Variants in STAT1 observed in about 807,000 individuals in gnomAD.
STAT1 encodes the protein signal transducer and activator of transcription 1-alpha/beta.
A neutral mutation model predicts 111.7 loss-of-function variants in STAT1; 24 were observed. The observed-to-expected ratio is 0.21, with a 90% CI of 0.16 to 0.30. STAT1 has a LOEUF of 0.30. Among genes scored for constraint, STAT1 ranks in the 10% least tolerant of loss-of-function variants. The probability of loss-of-function intolerance (pLI) is 1.00; values close to 1 mark genes in which losing one functional copy is unlikely to be tolerated. For synonymous variants in STAT1, 332 were observed against 326.5 expected (o/e 1.02, Z -0.18); for missense variants, 351 against 911.9 (o/e 0.38, Z 7.92).
intron 24 of STAT1, among the ~76,000 whole-genome samples, chr2:190,972,816 G>T (rs1237069373): frequency 7.3e-6 from 1 of 136,354 alleles, no homozygotes; most frequent in Non-Finnish European, 1.6e-5. Flanking sequence ...GTGTATAGAG[G>T]GTGTGTGTGT....
chr2:190,976,230 T>G lies in STAT1; in HGVS notation c.2060-343A>C, dbSNP rs1301885575. Among the ~76,000 whole-genome samples the G allele has an allele frequency of 6.6e-6, 1 of 152,246 alleles. No individual in the cohort carries two copies. Among genetic ancestry groups the G allele is most frequent in the Non-Finnish European group, 1.5e-5 (1 of 68,032 alleles). On this transcript the variant is annotated intron_variant, in intron 22 of 24. Coordinates refer to ENST00000361099, the MANE Select transcript of STAT1 (RefSeq NM_007315.4). The surrounding 1 kb of genome is among the most constrained non-coding windows in gnomAD (Gnocchi z 6.0). ...TGGCATTAGCCTGGCTAATGAATAT[T>G]CACAGCTGTCAAGGTAAGCTGGGGA...
At position 190,986,730 on chromosome 2, in the gene STAT1, C is replaced by G. The variant is rs2125033948; in HGVS notation, c.1221+124G>C. 1 of 933,424 alleles carries G rather than the reference C, an allele frequency of 1.1e-6. No individual in the cohort carries two copies. Among genetic ancestry groups the G allele is most frequent in the East Asian group, 2.4e-5 (1 of 41,748 alleles). 57.8% of individuals were successfully genotyped at this position (933,424 alleles called of 1,614,324 possible). ...GTACTGGCGACAGGAAGACACCAGC[C>G]ACAAAGTCTACAAACCCCAGCAGGG... On this transcript the variant is annotated intron_variant, in intron 14 of 24. Transcript: ENST00000361099. The surrounding 1 kb of genome is among the most constrained non-coding windows in gnomAD (Gnocchi z 5.0).
At position 190,998,265 on chromosome 2, in the gene STAT1, T is replaced by C. The variant is rs1328658333; in HGVS notation, c.585A>G (p.Glu195=). ...AATACATCTTCTTGAGTAACAGCTGTTCTTGTTTCTGATCACTCTTTGCCA... is the reference window on the plus strand; with the variant it reads ...AATACATCTTCTTGAGTAACAGCTGCTCTTGTTTCTGATCACTCTTTGCCA... ...NGVAKSDQKQ[E]QLLLKKMYLM... The change falls in exon 8 of 25, where the codon GAA becomes GAG. Residue 195 remains glutamate (E), a synonymous_variant. Transcript: ENST00000361099. This position sits in a 1 kb window ranked among gnomAD's most constrained non-coding sequence, Gnocchi z 4.1. The C allele has an allele frequency of 6.2e-7, 1 of 1,613,888 alleles. No individual in the cohort carries two copies.
At chr2:191,010,878 CA>C (rs1271696581) in intron 2 of STAT1, among the ~76,000 whole-genome samples, 1 of 152,118 alleles carries the variant, frequency 6.6e-6, no homozygotes, top group Non-Finnish European at 1.5e-5. Flanking sequence ...AAAATCACAA[CA>C]AAAACTTGAT....
Position 190,974,394 on chromosome 2 carries a change from A to C in STAT1, c.2238+436T>G, listed in dbSNP as rs926764548. Among the ~76,000 whole-genome samples, 13 of 152,206 alleles carry C rather than the reference A, an allele frequency of 8.5e-5. No homozygotes were observed. Among genetic ancestry groups the C allele is most frequent in the Non-Finnish European group, 1.8e-4 (12 of 68,048 alleles). ...AGATGAAGTAATCTCATTGCTGCTA[A>C]AGTATAATTCTCTCTAATTACTGTA... On this transcript the variant is annotated intron_variant, in intron 24 of 24. Coordinates refer to ENST00000361099, the MANE Select transcript of STAT1 (RefSeq NM_007315.4). This position sits in a 1 kb window ranked among gnomAD's most constrained non-coding sequence, Gnocchi z 4.8.
chr2:190,976,736 T>TAG lies in STAT1; in HGVS notation c.2059+103_2059+104insCT. 1.0e-6 allele frequency: 1 copy of TAG among 1,002,788 alleles called. No individual in the cohort carries two copies. Among genetic ancestry groups the TAG allele is most frequent in the Non-Finnish European group, 1.6e-6 (1 of 634,984 alleles). 62.1% of individuals were successfully genotyped at this position (1,002,788 alleles called of 1,614,324 possible). On this transcript the variant is annotated intron_variant, in intron 22 of 24. Transcript: ENST00000361099. The surrounding 1 kb of genome is among the most constrained non-coding windows in gnomAD (Gnocchi z 6.0). ...ATGCCATCTTTTGAAAGCCTACTCT[T>TAG]ACCAATTCGAAAGCAAAACACTGCA...
chr2:190,977,811 G>C lies in STAT1; in HGVS notation c.1874-786C>G, dbSNP rs1692026359. 6.6e-6 allele frequency among the ~76,000 whole-genome samples: 1 copy of C among 152,136 alleles called. No homozygotes were observed. Among genetic ancestry groups the C allele is most frequent in the Admixed American group, 6.6e-5 (1 of 15,264 alleles). The stretch of plus-strand genomic sequence containing the variant: ...CTCAGCTGGTTCAGGAAGGGAACAG[G>C]ATAAGAGGAAAAGGGCAGGTTCTAA... On this transcript the variant is annotated intron_variant, in intron 21 of 24. Coordinates refer to ENST00000361099, the MANE Select transcript of STAT1 (RefSeq NM_007315.4). The surrounding 1 kb of genome is among the most constrained non-coding windows in gnomAD (Gnocchi z 4.7).
At position 191,007,673 on chromosome 2, in the gene STAT1, T is replaced by G. The variant is rs751609843; in HGVS notation, c.274-12A>C. ...TCCTGAAAATTATCCTAGATTTGAG[T>G]GGTTAGAACAAAAATAAATTAAAAT... On this transcript the variant is annotated splice_polypyrimidine_tract_variant and intron_variant, in intron 4 of 24. Coordinates refer to ENST00000361099, the MANE Select transcript of STAT1 (RefSeq NM_007315.4). This position sits in a 1 kb window ranked among gnomAD's most constrained non-coding sequence, Gnocchi z 4.2. 18 of 1,566,044 alleles carry G rather than the reference T, an allele frequency of 1.1e-5. No individual in the cohort carries two copies. The highest frequency in any genetic ancestry group is 1.6e-5 in the Non-Finnish European group (18 of 1,136,856).
At chr2:190,992,736 T>C in intron 10 of STAT1, 1 of 1,009,746 alleles carries the variant, frequency 9.9e-7, no homozygotes. Context: ...ACCCATTAGC[T>C]TCTTAATCTC....
intron 10 of STAT1, chr2:190,992,510 C>G: frequency 3.4e-6 from 1 of 293,572 alleles, no homozygotes. Context: ...TTTACAATCT[C>G]TGACCTCTGT....
In STAT1 at chr2:190,982,502, A is replaced by C; in HGVS notation, c.1463T>G (p.Leu488Arg). ...AGCCCATCGTGCACATGGTGGAGTC[A>C]GGAAGAAGGACAGATTCTAGAGAGA... ...VAEPRNLSFF[L>R]TPPCARWAQL... Residue 488 changes from leucine to arginine, a missense_variant, in exon 18 of 25, where the codon CTG (leucine) becomes CGG (arginine). This residue lies in a region of STAT1 where 181 missense variants were observed against 426.1 expected (regional missense o/e 0.42). Transcript: ENST00000361099. This position sits in a 1 kb window ranked among gnomAD's most constrained non-coding sequence, Gnocchi z 7.3. 4 of 1,614,230 alleles carry C rather than the reference A, an allele frequency of 2.5e-6. No individual in the cohort carries two copies. The highest frequency in any genetic ancestry group is 3.4e-6 in the Non-Finnish European group (4 of 1,180,034).
In STAT1 at chr2:190,998,055, C is replaced by A. The variant is rs1408058481; in HGVS notation, c.634-48G>T. 6.2e-7 allele frequency: 1 copy of A among 1,600,556 alleles called. No individual in the cohort carries two copies. Among genetic ancestry groups the A allele is most frequent in the East Asian group, 2.3e-5 (1 of 44,298 alleles). On this transcript the variant is annotated intron_variant, in intron 8 of 24. Coordinates refer to ENST00000361099, the MANE Select transcript of STAT1 (RefSeq NM_007315.4). The surrounding 1 kb of genome is among the most constrained non-coding windows in gnomAD (Gnocchi z 4.1). Reference sequence around the variant, plus strand: ...AGTGAAATAAATTCATTTTTAATCACTGAATTTTAAAATATTTTTTAAAAG... The same window carrying A: ...AGTGAAATAAATTCATTTTTAATCAATGAATTTTAAAATATTTTTTAAAAG...
chr2:191,012,439 A>G lies in STAT1; in HGVS notation c.-2+1086T>C, dbSNP rs1003069444. On this transcript the variant is annotated intron_variant, in intron 2 of 24. Transcript: ENST00000361099. The surrounding 1 kb of genome is among the most constrained non-coding windows in gnomAD (Gnocchi z 4.0). Reference sequence around the variant, plus strand: ...TCTAAAAAAAAAAAACAATGAATAAATAAGCTCATGTTCACAAATCTGGAG... The same window carrying G: ...TCTAAAAAAAAAAAACAATGAATAAGTAAGCTCATGTTCACAAATCTGGAG... Among the ~76,000 whole-genome samples, 2 of 151,972 alleles carry G rather than the reference A, an allele frequency of 1.3e-5. No homozygotes were observed. Among genetic ancestry groups the G allele is most frequent in the Non-Finnish European group, 2.9e-5 (2 of 67,964 alleles).
At chr2:190,991,346 T>C in intron 10 of STAT1, 26 bp from the exon 11 acceptor site, 1 of 1,610,212 alleles carries the variant, frequency 6.2e-7, no homozygotes, top group Admixed American at 1.7e-5. Flanking sequence ...AAAGGATAGA[T>C]AAGTTAGCAT....
At position 190,997,574 on chromosome 2, in the gene STAT1, G is replaced by A. The variant is rs929823877; in HGVS notation, c.785+282C>T. Among the ~76,000 whole-genome samples the A allele has an allele frequency of 2.6e-5, 4 of 152,146 alleles. No homozygotes were observed. The highest frequency in any genetic ancestry group is 7.2e-5 in the African/African-American group (3 of 41,426). ...AACATTAAGAGTCAAGTCATTAAAT[G>A]TGTTCTATAACGACCATGTCACTGA... On this transcript the variant is annotated intron_variant, in intron 9 of 24. Transcript: ENST00000361099. This position sits in a 1 kb window ranked among gnomAD's most constrained non-coding sequence, Gnocchi z 7.3.
rs1694395648 is a variant in STAT1 at position 191,003,039 on chromosome 2, T to C, written c.373-1876A>G. On this transcript the variant is annotated intron_variant, in intron 5 of 24. Transcript: ENST00000361099. This position sits in a 1 kb window ranked among gnomAD's most constrained non-coding sequence, Gnocchi z 4.0. ...TAGTATTTAATTCTGATCCCTAATA[T>C]CTTATTGAGGACTTTTATATTGATA... Among the ~76,000 whole-genome samples the C allele has an allele frequency of 6.6e-6, 1 of 152,202 alleles. No individual in the cohort carries two copies. The highest frequency in any genetic ancestry group is 1.5e-5 in the Non-Finnish European group (1 of 68,022).
rs761353987 is a variant in STAT1 at position 191,003,766 on chromosome 2, T to G, written c.373-2603A>C. Among the ~76,000 whole-genome samples the G allele has an allele frequency of 6.6e-6, 1 of 152,206 alleles. No homozygotes were observed. The highest frequency in any genetic ancestry group is 6.5e-5 in the Admixed American group (1 of 15,284). On this transcript the variant is annotated intron_variant, in intron 5 of 24. Coordinates refer to ENST00000361099, the MANE Select transcript of STAT1 (RefSeq NM_007315.4). This position sits in a 1 kb window ranked among gnomAD's most constrained non-coding sequence, Gnocchi z 4.0. ...TTACCCAGTCTCAGGTATTTCTTTATAGCCATGCAAGAACAGACTAATACA... is the reference window on the plus strand; with the variant it reads ...TTACCCAGTCTCAGGTATTTCTTTAGAGCCATGCAAGAACAGACTAATACA...
At position 190,969,456 on chromosome 2, in the gene STAT1, G is replaced by C. The variant is rs1691291721; in HGVS notation, c.*1247C>G. 1 of 152,174 alleles carries C rather than the reference G, an allele frequency of 6.6e-6. No homozygotes were observed. Among genetic ancestry groups the C allele is most frequent in the Non-Finnish European group, 1.5e-5 (1 of 68,014 alleles). The allele number at this position is 152,174 out of a possible 1,614,324, so 9.4% of individuals were successfully genotyped here. On this transcript the variant is annotated 3_prime_UTR_variant, in exon 25 of 25. Transcript: ENST00000361099. Reference sequence around the variant, plus strand: ...GATACAGCCACATAGACAGCAGTATGTAAAAGGGAAGAACCTTGTCAAACC... The same window carrying C: ...GATACAGCCACATAGACAGCAGTATCTAAAAGGGAAGAACCTTGTCAAACC...
chr2:190,986,765 C>T lies in STAT1; in HGVS notation c.1221+89G>A. The T allele has an allele frequency of 1.5e-6, 2 of 1,291,006 alleles. No individual in the cohort carries two copies. The highest frequency in any genetic ancestry group is 2.3e-6 in the Non-Finnish European group (2 of 886,856). 80.0% of individuals were successfully genotyped at this position (1,291,006 alleles called of 1,614,324 possible). On this transcript the variant is annotated intron_variant, in intron 14 of 24. Transcript: ENST00000361099. This position sits in a 1 kb window ranked among gnomAD's most constrained non-coding sequence, Gnocchi z 5.0. The stretch of plus-strand genomic sequence containing the variant: ...ACAAACCCCAGCAGGGGGGCGTCCT[C>T]CACATGGCAATGTGCCAAAAAGGGC...
Sources: allele counts gnomAD v4.1 joint callset (sites outside exome capture counted in the v4.1 genomes callset), GRCh38; gene constraint gnomAD v4.1.1; regional missense constraint gnomAD v4.1.1; non-coding constraint Gnocchi (gnomAD v3.1); transcripts MANE v1.5; gene names NCBI Gene and HGNC (gene_info 2026-07-23, HGNC 2026-07-21).